Variants in RANBP3 observed in about 807,000 individuals in gnomAD.
RANBP3 encodes RAN binding protein 3.
In RANBP3, 14 loss-of-function variants were observed where a neutral mutation model predicts 77.3. The observed-to-expected ratio is 0.18, with a 90% confidence interval of 0.12 to 0.28. The LOEUF (loss-of-function observed/expected upper bound fraction) is 0.28, where lower values mean the gene tolerates loss of function less well. Among genes scored for constraint, RANBP3 ranks in the 10% least tolerant of loss-of-function variants. The pLI is 1.00. For missense variants in RANBP3, 586 were observed against 752.3 expected (o/e 0.78, Z 2.59); for synonymous variants, 315 against 312.4 (o/e 1.01, Z -0.09).
rs2058293657 is a variant in RANBP3, at chr19:5,952,988, A to G, written c.79-1392T>C. Among the ~76,000 whole-genome samples the G allele has an allele frequency of 6.6e-6, 1 of 152,210 alleles. No homozygotes were observed. The highest frequency in any genetic ancestry group is 1.5e-5 in the Non-Finnish European group (1 of 68,046). On this transcript the variant is annotated intron_variant, in intron 2 of 16. Coordinates refer to ENST00000340578, the MANE Select transcript of RANBP3 (RefSeq NM_007322.3). This position sits in a 1 kb window ranked among gnomAD's most constrained non-coding sequence, Gnocchi z 4.1. ...CCCAGAGCTCTGTGGGGGACTGCCT[A>G]TCTCTAATTAGAACCACTTGAATTT...
At chr19:5,953,178 G>C (rs1306313593) in intron 2 of RANBP3, among the ~76,000 whole-genome samples, 1 of 152,166 alleles carries the variant, frequency 6.6e-6, no homozygotes, top group Non-Finnish European at 1.5e-5. Context: ...TATAAGTGTT[G>C]AGAAGTATTA....
chr19:5,950,205 T>C (rs2058257941), intron 3 of RANBP3, among the ~76,000 whole-genome samples: 1 of 152,182 alleles, frequency 6.6e-6, no homozygotes, highest in Non-Finnish European at 1.5e-5. Context: ...CGTGCGCTCA[T>C]GGGAGGGCTG....
At position 5,931,409 on chromosome 19, in the gene RANBP3, G is replaced by T; in HGVS notation, c.688C>A (p.Leu230Ile). 6.2e-7 allele frequency: 1 copy of T among 1,609,706 alleles called. No individual in the cohort carries two copies. The highest frequency in any genetic ancestry group is 8.5e-7 in the Non-Finnish European group (1 of 1,177,216). The change falls in exon 8 of 17, where the codon CTT becomes ATT. Residue 230 changes from leucine to isoleucine, a missense_variant. Coordinates refer to ENST00000340578, the MANE Select transcript of RANBP3 (RefSeq NM_007322.3). ...CTGCCTCAGGACCCACTGACCTCAA[G>T]TGCACACACCTCATCGGCAGCTTCG... is the stretch of plus-strand genomic sequence containing the variant. Reference protein sequence around the residue: ...PSEAADEVCALEEKEPQKNES... With the variant: ...PSEAADEVCAIEEKEPQKNES...
intron 1 of RANBP3, among the ~76,000 whole-genome samples, chr19:5,963,420 G>A (rs1415272629): frequency 2.0e-5 from 3 of 152,018 alleles, no homozygotes; most frequent in Non-Finnish European, 4.4e-5. Context: ...GCATGGTGGC[G>A]CACTCCTGTA....
At chr19:5,942,249 T>G (rs996390568) in intron 3 of RANBP3, among the ~76,000 whole-genome samples, 1 of 152,170 alleles carries the variant, frequency 6.6e-6, no homozygotes, top group Non-Finnish European at 1.5e-5. Context: ...TCACACCGGA[T>G]AGGAGCGATT....
At chr19:5,954,757 G>A (rs1053625745) in intron 2 of RANBP3, among the ~76,000 whole-genome samples, 3 of 152,168 alleles carry the variant, frequency 2.0e-5, no homozygotes. Context: ...AACCATAAAG[G>A]CTCTCAAACC....
At position 5,958,121 on chromosome 19, in the gene RANBP3, T is replaced by C; in HGVS notation, c.23-148A>G. On this transcript the variant is annotated intron_variant, in intron 1 of 16. Transcript: ENST00000340578. This position sits in a 1 kb window ranked among gnomAD's most constrained non-coding sequence, Gnocchi z 4.4. The stretch of plus-strand genomic sequence containing the variant: ...AAATCACTTAGAACAGCGTCTTGAC[T>C]CGGATGCCTGGAGGCACAGGTGTGC... 1.4e-6 allele frequency: 1 copy of C among 736,988 alleles called. No individual in the cohort carries two copies. Among genetic ancestry groups the C allele is most frequent in the South Asian group, 1.8e-5 (1 of 55,048 alleles). The allele number at this position is 736,988 out of a possible 1,614,324, so 45.7% of individuals were successfully genotyped here.
intron 1 of RANBP3, among the ~76,000 whole-genome samples, chr19:5,963,850 G>A (rs12610356): frequency 0.71 from 107,709 of 152,018 alleles, 38,486 homozygotes; most frequent in Admixed American, 0.79. Flanking sequence ...GCTGAATTCA[G>A]AACCCTCGTC....
chr19:5,925,120 A>G, intron 10 of RANBP3: 2 of 571,948 alleles, frequency 3.5e-6, no homozygotes, highest in East Asian at 3.0e-5. Context: ...GGGGCCCCAC[A>G]GCATGAGGGA....
intron 1 of RANBP3, among the ~76,000 whole-genome samples, chr19:5,968,850 G>A (rs963512786): frequency 6.6e-5 from 10 of 152,236 alleles, no homozygotes; most frequent in Admixed American, 1.3e-4. Flanking sequence ...GGCAGACAAG[G>A]CCGCAGCTCT....
At chr19:5,940,677 A>T (rs183546592) in intron 5 of RANBP3, among the ~76,000 whole-genome samples, 40 of 152,358 alleles carry the variant, frequency 2.6e-4, no homozygotes, top group Admixed American at 5.9e-4. Context: ...GGACTGTAAA[A>T]TGATTTACAT....
At chr19:5,962,032 G>A (rs934860389) in intron 1 of RANBP3, among the ~76,000 whole-genome samples, 1 of 152,036 alleles carries the variant, frequency 6.6e-6, no homozygotes. Flanking sequence ...TGCCTGCCCT[G>A]CTGCACTCCC....
chr19:5,917,802 G>A lies in RANBP3; in HGVS notation c.1652C>T (p.Thr551Ile). ...DDDVLAPSGA[T>I]AAGAGDEGDG... ...GGGACCACCCGACTCACCAGCTGCG[G>A]TGGCCCCTGAAGGAGCCAGGACATC... Residue 551 changes from threonine to isoleucine, a missense_variant, in exon 16 of 17, where the codon ACC (threonine) becomes ATC (isoleucine). Thr to Ile is a moderately conservative substitution (Grantham distance 89). Coordinates refer to ENST00000340578, the MANE Select transcript of RANBP3 (RefSeq NM_007322.3). 6.2e-7 allele frequency: 1 copy of A among 1,608,918 alleles called. No individual in the cohort carries two copies. Among genetic ancestry groups the A allele is most frequent in the Non-Finnish European group, 8.5e-7 (1 of 1,177,642 alleles).
At chr19:5,919,123 A>G (rs1347883579) in intron 14 of RANBP3, among the ~76,000 whole-genome samples, 1 of 152,254 alleles carries the variant, frequency 6.6e-6, no homozygotes, top group Non-Finnish European at 1.5e-5. Flanking sequence ...TGAGTGGGCC[A>G]GCCCTGCCCT....
Position 5,933,468 on chromosome 19 carries a change from T to G in RANBP3, c.418A>C (p.Ser140Arg), listed in dbSNP as rs996726659. The G allele has an allele frequency of 1.2e-6, 2 of 1,613,296 alleles. No individual in the cohort carries two copies. Among genetic ancestry groups the G allele is most frequent in the African/African-American group, 2.7e-5 (2 of 74,926 alleles). Residue 140 changes from serine (S) to arginine (R), a missense_variant, in exon 6 of 17, where the codon AGT becomes CGT. Transcript: ENST00000340578. Reference sequence around the variant, plus strand: ...GTTGGTGGCTTCAACCGGAAGCCACTGCTCCTTTCCTCTAAAAGCACAAGA... The same window carrying G: ...GTTGGTGGCTTCAACCGGAAGCCACGGCTCCTTTCCTCTAAAAGCACAAGA... ...FPPSQSEERS[S>R]GFRLKPPTLI...
At chr19:5,919,841 C>T (rs1599715549) in intron 14 of RANBP3, among the ~76,000 whole-genome samples, 2 of 143,724 alleles carry the variant, frequency 1.4e-5, no homozygotes, top group Admixed American at 7.3e-5. Context: ...GTGGAGGCTG[C>T]GGTGGGCCGA....
intron 9 of RANBP3, among the ~76,000 whole-genome samples, chr19:5,926,564 A>G (rs1248346036): frequency 6.6e-6 from 1 of 152,198 alleles, no homozygotes; most frequent in Non-Finnish European, 1.5e-5. Flanking sequence ...AGAAAAAAAA[A>G]GAATCCATGG....
intron 3 of RANBP3, among the ~76,000 whole-genome samples, chr19:5,945,796 T>C (rs757971570): frequency 1.3e-5 from 2 of 151,676 alleles, no homozygotes; most frequent in African/African-American, 2.4e-5. Flanking sequence ...AGGTCAAGAG[T>C]GTGGCTCCGG....
chr19:5,954,420 G>GT (rs1166521597), intron 2 of RANBP3, among the ~76,000 whole-genome samples: 2 of 152,274 alleles, frequency 1.3e-5, no homozygotes, highest in African/African-American at 4.8e-5. Flanking sequence ...TAACATGGTG[G>GT]TAAGGCCATG....
Sources: gnomAD v4.1 joint callset for allele counts (sites outside exome capture counted in the v4.1 genomes callset) on GRCh38, gnomAD v4.1.1 for gene constraint, Gnocchi (gnomAD v3.1) non-coding constraint, MANE v1.5 for transcripts, NCBI Gene and HGNC (gene_info 2026-07-23, HGNC 2026-07-21) for gene names.